The following CFAP54 variants were observed in gnomAD, a reference collection of about 807,000 sequenced individuals.
CFAP54 encodes cilia and flagella associated protein 54.
CFAP54 carries 290 observed loss-of-function variants against 370.4 expected under a neutral mutation model. That is an observed-to-expected ratio of 0.78 (90% CI 0.71 to 0.86). The LOEUF is 0.86. CFAP54 is among the 40% of genes least tolerant of loss of function. The pLI, the probability that CFAP54 is intolerant of heterozygous loss-of-function variation, is 0.00. For missense variants in CFAP54, 3,399 were observed against 3,528.7 expected (o/e 0.96, Z 0.93); for synonymous variants, 1,206 against 1,236.5 (o/e 0.98, Z 0.52).
intron 60 of CFAP54, 88 bp downstream of exon 60, chr12:96,765,306 C>G: frequency 8.1e-7 from 1 of 1,239,326 alleles, no homozygotes; most frequent in Non-Finnish European, 1.1e-6. Context: ...AATTTGTTGG[C>G]TTTTAGCTTA....
At chr12:96,718,616 T>A in intron 49 of CFAP54, 94 bp downstream of exon 49, 1 of 707,018 alleles carries the variant, frequency 1.4e-6, no homozygotes, top group Non-Finnish European at 2.4e-6. Flanking sequence ...ATGCTTGCTC[T>A]TGTGAGAGCA....
intron 67 of CFAP54, among the ~76,000 whole-genome samples, chr12:96,870,002 G>A (rs908204984): frequency 2.0e-5 from 3 of 150,062 alleles, no homozygotes; most frequent in Admixed American, 6.7e-5. Flanking sequence ...GGTGGCTCAC[G>A]CCTTTAATCC....
Position 96,740,868 on chromosome 12 carries a change from G to A in CFAP54, c.7071+807G>A, listed in dbSNP as rs74963052. 7.1e-3 allele frequency among the ~76,000 whole-genome samples: 1,088 copies of A among 152,246 alleles called. 10 individuals carry two copies. Among genetic ancestry groups the A allele is most frequent in the Middle Eastern group, 0.024 (7 of 294 alleles). On this transcript the variant is annotated intron_variant, in intron 51 of 67. Transcript: ENST00000524981. ...AACTGGGTGGAGGCGGGTGCTACTG[G>A]CATCTACTAGGTAGAGGCCAGAGAA...
At chr12:96,753,688 G>C (rs1467352083) in intron 55 of CFAP54, 55 bp from the exon 56 acceptor site, 5 of 1,563,824 alleles carry the variant, frequency 3.2e-6, no homozygotes, top group Non-Finnish European at 4.4e-6. Flanking sequence ...TTGGAGGCTT[G>C]TTATAAACAC....
chr12:96,620,489 G>A (rs1212073216), intron 26 of CFAP54, among the ~76,000 whole-genome samples: 1 of 152,170 alleles, frequency 6.6e-6, no homozygotes, highest in Non-Finnish European at 1.5e-5. Flanking sequence ...TGATTGTGAG[G>A]CCTCCCCAGC....
At chr12:96,717,917 G>A (rs1472321562) in intron 48 of CFAP54, among the ~76,000 whole-genome samples, 1 of 152,204 alleles carries the variant, frequency 6.6e-6, no homozygotes, top group Non-Finnish European at 1.5e-5. Flanking sequence ...GTAAGAATCA[G>A]CTTCAGCCTT....
At chr12:96,671,160 T>C (rs10860062) in intron 39 of CFAP54, among the ~76,000 whole-genome samples, 9,936 of 151,970 alleles carry the variant, frequency 0.065, 735 homozygotes, top group East Asian at 0.43. Context: ...TTAGTAGAGA[T>C]GGGGTTTCAC....
At chr12:96,646,425 G>C (rs1299071544) in intron 33 of CFAP54, 1 of 152,112 alleles carries the variant, frequency 6.6e-6, no homozygotes, top group African/African-American at 2.4e-5. Flanking sequence ...TTAGAATGGC[G>C]ATCATTAAAA....
chr12:96,594,532 C>T (rs1032352662), intron 25 of CFAP54, 86 bp downstream of exon 25: 2 of 1,042,844 alleles, frequency 1.9e-6, no homozygotes, highest in African/African-American at 3.2e-5. Context: ...CCATGTATCT[C>T]TTATAAAGGG....
At chr12:96,809,720 A>G (rs1199598262) in intron 63 of CFAP54, among the ~76,000 whole-genome samples, 1 of 152,166 alleles carries the variant, frequency 6.6e-6, no homozygotes, top group Non-Finnish European at 1.5e-5. Context: ...TTAGTTAGAT[A>G]TTGACTTGTG....
At chr12:96,727,615 C>G (rs1426222371) in intron 50 of CFAP54, among the ~76,000 whole-genome samples, 33 of 151,698 alleles carry the variant, frequency 2.2e-4, no homozygotes, top group Non-Finnish European at 3.5e-4. Flanking sequence ...ACTGATGGGT[C>G]TTGACTTTTT....
chr12:96,598,476 C>G (rs1490232643), intron 25 of CFAP54, among the ~76,000 whole-genome samples, 169 bp from the exon 26 acceptor site: 2 of 151,890 alleles, frequency 1.3e-5, no homozygotes, highest in African/African-American at 4.8e-5. Context: ...TTGAATGTAT[C>G]AACTTTATCT....
chr12:96,539,539 G>T (rs1031776552), intron 13 of CFAP54, among the ~76,000 whole-genome samples: 1 of 151,958 alleles, frequency 6.6e-6, no homozygotes, highest in Non-Finnish European at 1.5e-5. Context: ...GCTGGACATG[G>T]TGGTGTGTGC....
chr12:96,776,456 C>A (rs1266470839), intron 60 of CFAP54, among the ~76,000 whole-genome samples: 1 of 152,100 alleles, frequency 6.6e-6, no homozygotes, highest in African/African-American at 2.4e-5. Flanking sequence ...TAGCATATTA[C>A]AGATCTCATT....
At chr12:96,547,232 C>G (rs1407809048) in intron 14 of CFAP54, among the ~76,000 whole-genome samples, 1 of 152,178 alleles carries the variant, frequency 6.6e-6, no homozygotes, top group Middle Eastern at 3.2e-3. Flanking sequence ...GTCGCCCAGG[C>G]TGGAGTGCAG....
intron 64 of CFAP54, among the ~76,000 whole-genome samples, chr12:96,814,544 T>C (rs1958957142): frequency 6.6e-6 from 1 of 152,244 alleles, no homozygotes; most frequent in Non-Finnish European, 1.5e-5. Context: ...GACCTATTGT[T>C]TTTTAAGTTT....
chr12:96,849,185 T>G (rs1215644315), intron 66 of CFAP54, among the ~76,000 whole-genome samples: 1 of 152,218 alleles, frequency 6.6e-6, no homozygotes, highest in East Asian at 1.9e-4. Flanking sequence ...ATAGAAAATA[T>G]GGTGGAGAAA....
intron 60 of CFAP54, among the ~76,000 whole-genome samples, chr12:96,766,894 C>T (rs1244666443): frequency 2.0e-5 from 3 of 152,172 alleles, no homozygotes; most frequent in African/African-American, 4.8e-5. Context: ...ACTCATTCTT[C>T]CACTCAGCTC....
intron 23 of CFAP54, among the ~76,000 whole-genome samples, chr12:96,590,868 C>G (rs1956117036): frequency 6.6e-6 from 1 of 152,006 alleles, no homozygotes; most frequent in African/African-American, 2.4e-5. Flanking sequence ...ATATGAGATG[C>G]CAGTAGGTTT....
Sources: gnomAD v4.1 joint callset for allele counts (sites outside exome capture counted in the v4.1 genomes callset) on GRCh38, gnomAD v4.1.1 for gene constraint, MANE v1.5 for transcripts, NCBI Gene and HGNC (gene_info 2026-07-23, HGNC 2026-07-21) for gene names.